Variants in DARS1 observed in about 807,000 individuals in gnomAD.
DARS1 encodes the protein aspartate--tRNA ligase, cytoplasmic.
DARS1 carries 51 observed loss-of-function variants against 68.8 expected under a neutral mutation model. That is an observed-to-expected ratio of 0.74 (90% confidence interval 0.59 to 0.94). The LOEUF is 0.94. DARS1 is among the 40% of genes least tolerant of loss of function. The pLI is 0.00. For synonymous variants in DARS1, 203 were observed against 190.4 expected, an observed-to-expected ratio of 1.07 and a Z score of -0.55; for missense variants, 607 against 597.3, an observed-to-expected ratio of 1.02 and a Z score of -0.17.
chr2:135,916,497 AATT>A (rs1681009098), intron 10 of DARS1, 125 bp from the exon 11 acceptor site: 1 of 466,786 alleles, frequency 2.1e-6, no homozygotes, highest in Admixed American at 3.5e-5. Flanking sequence ...AGCATTATCA[AATT>A]ATTAAAGAAT....
At chr2:135,956,872 T>C (rs1026959162) in intron 4 of DARS1, among the ~76,000 whole-genome samples, 19 of 151,908 alleles carry the variant, frequency 1.3e-4, no homozygotes, top group African/African-American at 4.4e-4. Flanking sequence ...CCAGCAATTC[T>C]CCTGCCTCAG....
chr2:135,957,802 GTTAC>G (rs897814568), intron 4 of DARS1, among the ~76,000 whole-genome samples: 55 of 152,202 alleles, frequency 3.6e-4, no homozygotes, highest in African/African-American at 1.3e-3. Context: ...GTTCTGTCAT[GTTAC>G]TTAAAGACCT....
intron 11 of DARS1, among the ~76,000 whole-genome samples, chr2:135,915,934 C>G (rs912158841): frequency 6.6e-6 from 1 of 151,934 alleles, no homozygotes; most frequent in African/African-American, 2.4e-5. Context: ...CTTAGGCAAA[C>G]TATAGTAAAC....
chr2:135,984,152 G>A (rs1682712578), intron 1 of DARS1, among the ~76,000 whole-genome samples: 1 of 152,206 alleles, frequency 6.6e-6, no homozygotes, highest in Non-Finnish European at 1.5e-5. Flanking sequence ...TTATTAAATA[G>A]ATAAGTGGCC....
chr2:135,927,398 TATTTA>T (rs1471049586), intron 7 of DARS1, among the ~76,000 whole-genome samples: 1 of 152,178 alleles, frequency 6.6e-6, no homozygotes. Flanking sequence ...ATACCTTATA[TATTTA>T]ATTTATCATT....
At chr2:135,973,214 A>G (rs1430362665) in intron 3 of DARS1, among the ~76,000 whole-genome samples, 2 of 152,224 alleles carry the variant, frequency 1.3e-5, no homozygotes, top group Non-Finnish European at 2.9e-5. Context: ...AATGTGCTAC[A>G]TATACACAAT....
rs572313112 is a variant in DARS1 at position 135,932,663 on chromosome 2, A to G, written c.564+120T>C. 73 of 595,060 alleles carry G rather than the reference A, an allele frequency of 1.2e-4. No individual in the cohort carries two copies. The African/African-American group carries it at 1.3e-3, about 10-fold the overall frequency. 36.9% of individuals were successfully genotyped at this position (595,060 alleles called of 1,614,324 possible). ...GTCAGAAAAGGAAATTGTTTCCTGTATTATCATACTTACAGTCAGGCAAAT... is the reference window on the plus strand; with the variant it reads ...GTCAGAAAAGGAAATTGTTTCCTGTGTTATCATACTTACAGTCAGGCAAAT... On this transcript the variant is annotated intron_variant, in intron 7 of 15. Transcript: ENST00000264161.
At chr2:135,920,349 G>A (rs113342018) in intron 10 of DARS1, 104 bp downstream of exon 10, 2 of 1,443,264 alleles carry the variant, frequency 1.4e-6, no homozygotes, top group Non-Finnish European at 1.8e-6. Flanking sequence ...TTATATATAT[G>A]TTCATAGAAA....
intron 9 of DARS1, 30 bp from the exon 10 acceptor site, chr2:135,920,630 A>C: frequency 2.0e-6 from 3 of 1,536,746 alleles, no homozygotes; most frequent in Non-Finnish European, 2.6e-6. Flanking sequence ...AATAGAGAGC[A>C]AACACTGATT....
rs180895238 is a variant in DARS1 at position 135,913,651 on chromosome 2, G to A, written c.1149+818C>T. Among the ~76,000 whole-genome samples the A allele has an allele frequency of 7.4e-4, 112 of 151,918 alleles. 2 individuals carry two copies. In the East Asian group the frequency reaches 0.021, roughly 28 times the overall value. On this transcript the variant is annotated intron_variant, in intron 12 of 15. Coordinates refer to ENST00000264161, the MANE Select transcript of DARS1 (RefSeq NM_001349.4). Reference sequence around the variant, plus strand: ...TGGGCGCCTGTAATCCCAGCTACTCGGGAGGCTGAGGCAGGAGAATCGCTT... The same window carrying A: ...TGGGCGCCTGTAATCCCAGCTACTCAGGAGGCTGAGGCAGGAGAATCGCTT...
At chr2:135,932,710 G>C (rs1295510383) in intron 7 of DARS1, 73 bp downstream of exon 7, 2 of 796,120 alleles carry the variant, frequency 2.5e-6, no homozygotes, top group African/African-American at 3.5e-5. Flanking sequence ...TTATAAGCCT[G>C]AGACAGGTAT....
At position 135,979,270 on chromosome 2, in the gene DARS1, C is replaced by T. The variant is rs1682568805; in HGVS notation, c.217+4G>A. On this transcript the variant is annotated splice_donor_region_variant and intron_variant, in intron 3 of 15. Coordinates refer to ENST00000264161, the MANE Select transcript of DARS1 (RefSeq NM_001349.4). Reference sequence around the variant, plus strand: ...AAGAGCTTTAATAATGAAACCAATCCTACCTTTAGCTCTGCTTGTATGAAC... The same window carrying T: ...AAGAGCTTTAATAATGAAACCAATCTTACCTTTAGCTCTGCTTGTATGAAC... The T allele has an allele frequency of 2.4e-6, 3 of 1,235,432 alleles. No individual in the cohort carries two copies. The East Asian group carries it at 7.0e-5, about 29-fold the overall frequency. The allele number at this position is 1,235,432 out of a possible 1,614,324, so 76.5% of individuals were successfully genotyped here.
At chr2:135,956,926 G>A (rs1282784801) in intron 4 of DARS1, among the ~76,000 whole-genome samples, 1 of 151,788 alleles carries the variant, frequency 6.6e-6, no homozygotes, top group Admixed American at 6.6e-5. Flanking sequence ...ACCACACCTG[G>A]CTATTTTTTT....
At chr2:135,923,919 A>C (rs1267885281) in intron 8 of DARS1, among the ~76,000 whole-genome samples, 1 of 152,146 alleles carries the variant, frequency 6.6e-6, no homozygotes, top group Non-Finnish European at 1.5e-5. Context: ...CGGGAGGCTG[A>C]GGCAGGAGAA....
intron 12 of DARS1, among the ~76,000 whole-genome samples, chr2:135,913,797 T>C (rs1001854916): frequency 6.6e-6 from 1 of 152,138 alleles, no homozygotes; most frequent in African/African-American, 2.4e-5. Context: ...TTTTTGACTT[T>C]CAACATTTTT....
At chr2:135,932,735 T>C in intron 7 of DARS1, 48 bp downstream of exon 7, 2 of 866,966 alleles carry the variant, frequency 2.3e-6, no homozygotes, top group Admixed American at 2.0e-5. Flanking sequence ...TCCCTGCCCC[T>C]CTCTAATGCG....
At chr2:135,972,723 C>T (rs1682402641) in intron 3 of DARS1, among the ~76,000 whole-genome samples, 1 of 152,054 alleles carries the variant, frequency 6.6e-6, no homozygotes, top group Non-Finnish European at 1.5e-5. Flanking sequence ...TCAAGCAACT[C>T]TACAGGAAAA....
Position 135,922,650 on chromosome 2 carries a change from G to C in DARS1, c.811+134C>G, listed in dbSNP as rs987671057. On this transcript the variant is annotated intron_variant, in intron 9 of 15. Transcript: ENST00000264161. ...TATATTATCTCTAACTCAAAGTCTA[G>C]CATTTGTGTAGTCAGCAGATAAAAT... 7 of 1,265,426 alleles carry C rather than the reference G, an allele frequency of 5.5e-6. No homozygotes were observed. The African/African-American group carries it at 1.1e-4, about 20-fold the overall frequency. The allele number at this position is 1,265,426 out of a possible 1,614,324, so 78.4% of individuals were successfully genotyped here.
intron 3 of DARS1, among the ~76,000 whole-genome samples, chr2:135,972,528 G>C (rs1310365750): frequency 6.6e-6 from 1 of 152,186 alleles, no homozygotes; most frequent in Non-Finnish European, 1.5e-5. Flanking sequence ...AAAATTTCTT[G>C]AGTAATACTC....
Sources: gnomAD v4.1 joint callset for allele counts (sites outside exome capture counted in the v4.1 genomes callset) on GRCh38, gnomAD v4.1.1 for gene constraint, MANE v1.5 for transcripts, NCBI Gene and HGNC (gene_info 2026-07-23, HGNC 2026-07-21) for gene names.